Variants in CAPN11 observed in about 807,000 individuals in gnomAD.
The protein encoded by CAPN11 is calpain-11.
A neutral mutation model predicts 105.3 loss-of-function variants in CAPN11; 108 were observed. The observed-to-expected ratio is 1.03, with a 90% confidence interval of 0.88 to 1.20. The LOEUF is 1.20. CAPN11 is among the 50% of genes most tolerant of loss of function. CAPN11 has a pLI of 0.00. For synonymous variants in CAPN11, 329 were observed against 344.5 expected, an observed-to-expected ratio of 0.96 and a Z score of 0.50; for missense variants, 883 against 924.8, an observed-to-expected ratio of 0.95 and a Z score of 0.59.
chr6:44,183,278 C>T (rs374403276), intron 21 of CAPN11, 43 bp downstream of exon 21: 14 of 1,311,126 alleles, frequency 1.1e-5, no homozygotes, highest in Admixed American at 3.4e-5. Context: ...GGCCAGGGGC[C>T]GCGGGCCCTT....
At chr6:44,179,811 G>A (rs1772821872) in intron 13 of CAPN11, 141 bp from the exon 14 acceptor site, 6 of 884,858 alleles carry the variant, frequency 6.8e-6, no homozygotes, top group Non-Finnish European at 1.1e-5. Context: ...GGAGTTGCGG[G>A]CCACTTAGAT....
rs776489978 is a variant in CAPN11 at position 44,182,994 on chromosome 6, G to A, written c.1992G>A (p.Glu664=). 2 of 1,612,362 alleles carry A rather than the reference G, an allele frequency of 1.2e-6. No individual in the cohort carries two copies. The highest frequency in any genetic ancestry group is 1.7e-6 in the Non-Finnish European group (2 of 1,179,188). Residue 664 remains glutamate, a synonymous_variant, in exon 20 of 23, where the codon GAG becomes GAA. Coordinates refer to ENST00000398776, the MANE Select transcript of CAPN11 (RefSeq NM_007058.4). ...QDHSGTLNSY[E]MRLVIEKAGI... is the part of the protein sequence containing the mutation. ...ATTCAGGCACCTTGAACTCCTATGAGATGCGCCTGGTTATTGAGAAAGCAG... is the reference window on the plus strand; with the variant it reads ...ATTCAGGCACCTTGAACTCCTATGAAATGCGCCTGGTTATTGAGAAAGCAG...
intron 1 of CAPN11, among the ~76,000 whole-genome samples, chr6:44,161,096 G>C (rs1768700288): frequency 6.6e-6 from 1 of 151,832 alleles, no homozygotes; most frequent in Admixed American, 6.6e-5. Flanking sequence ...GCCTTGGTCT[G>C]TCTGTCTCAG....
chr6:44,166,367 C>T (rs921005382), intron 1 of CAPN11, among the ~76,000 whole-genome samples: 8 of 152,144 alleles, frequency 5.3e-5, no homozygotes, highest in Non-Finnish European at 1.0e-4. Context: ...TCTGTGACCT[C>T]GGGCAAGCTG....
In CAPN11 at chr6:44,176,068, G is replaced by A; in HGVS notation, c.832G>A (p.Val278Ile). 6.2e-7 allele frequency: 1 copy of A among 1,607,264 alleles called. No individual in the cohort carries two copies. Residue 278 changes from valine (V) to isoleucine (I), a missense_variant and splice_region_variant, in exon 8 of 23, where the codon GTC becomes ATC. Coordinates refer to ENST00000398776, the MANE Select transcript of CAPN11 (RefSeq NM_007058.4). ...RSSLMGCSIEVTSDSELESMT... is the reference protein window; with the variant it reads ...RSSLMGCSIEITSDSELESMT... ...CTCTCCCTCCCTCTCTGTTCTGTAG[G>A]TCACCAGTGATAGTGAACTGGAATC...
chr6:44,178,649 A>G (rs6937217), intron 12 of CAPN11, among the ~76,000 whole-genome samples: 76,934 of 150,284 alleles, frequency 0.51, 20,081 homozygotes, highest in Non-Finnish European at 0.54. Flanking sequence ...GCTCATGCCT[A>G]TTATCCCAGC....
At chr6:44,181,926 T>A (rs1281347894) in intron 19 of CAPN11, among the ~76,000 whole-genome samples, 7 of 60,564 alleles carry the variant, frequency 1.2e-4, no homozygotes, top group Admixed American at 1.7e-4. Context: ...ACATACACAC[T>A]CACATACAGA....
At position 44,176,447 on chromosome 6, in the gene CAPN11, C is replaced by T. The variant is rs949019985; in HGVS notation, c.1001+109C>T. 5 of 1,283,082 alleles carry T rather than the reference C, an allele frequency of 3.9e-6. No homozygotes were observed. The African/African-American group carries it at 7.3e-5, about 19-fold the overall frequency. 79.5% of individuals were successfully genotyped at this position (1,283,082 alleles called of 1,614,324 possible). ...GAACAACCTGTACAACAGGGCAAAG[C>T]TCCTCCCTCTAGATTCTCCATCTAG... is the stretch of plus-strand genomic sequence containing the variant. On this transcript the variant is annotated intron_variant, in intron 9 of 22. Coordinates refer to ENST00000398776, the MANE Select transcript of CAPN11 (RefSeq NM_007058.4).
At position 44,177,437 on chromosome 6, in the gene CAPN11, T is replaced by C; in HGVS notation, c.1416+17T>C. 1 of 1,592,622 alleles carries C rather than the reference T, an allele frequency of 6.3e-7. No individual in the cohort carries two copies. The highest frequency in any genetic ancestry group is 8.6e-7 in the Non-Finnish European group (1 of 1,166,712). ...CTCTACGCGGTGGGTGCCTGGCTGG[T>C]CTCGCCCGCCACTCACTCTCCCTCA... On this transcript the variant is annotated intron_variant, in intron 12 of 22. Coordinates refer to ENST00000398776, the MANE Select transcript of CAPN11 (RefSeq NM_007058.4).
Position 44,176,074 on chromosome 6 carries a change from A to T in CAPN11, c.838A>T (p.Ser280Cys), listed in dbSNP as rs1204048495. The T allele has an allele frequency of 1.9e-6, 3 of 1,609,504 alleles. No individual in the cohort carries two copies. Among genetic ancestry groups the T allele is most frequent in the Non-Finnish European group, 2.5e-6 (3 of 1,177,056 alleles). ...CTCCCTCTCTGTTCTGTAGGTCACC[A>T]GTGATAGTGAACTGGAATCCATGAC... ...SLMGCSIEVT[S>C]DSELESMTDK... Residue 280 changes from serine (S) to cysteine (C), a missense_variant, in exon 8 of 23, where the codon AGT (serine) becomes TGT (cysteine). Ser to Cys is a moderately radical substitution (Grantham distance 112). Transcript: ENST00000398776.
At chr6:44,164,995 C>T (rs995176717) in intron 1 of CAPN11, among the ~76,000 whole-genome samples, 1 of 152,138 alleles carries the variant, frequency 6.6e-6, no homozygotes, top group South Asian at 2.1e-4. Flanking sequence ...GTTCAAGCCA[C>T]CTCCTGCCTC....
chr6:44,172,276 T>C, intron 4 of CAPN11, 26 bp from the exon 5 acceptor site: 2 of 1,496,590 alleles, frequency 1.3e-6, no homozygotes, highest in African/African-American at 1.4e-5. Context: ...TGCTCAGGGG[T>C]GGCAAAGCCC....
At position 44,170,985 on chromosome 6, in the gene CAPN11, G is replaced by A. The variant is rs181337886; in HGVS notation, c.409+1010G>A. Among the ~76,000 whole-genome samples, 4 of 152,288 alleles carry A rather than the reference G, an allele frequency of 2.6e-5. No individual in the cohort carries two copies. The East Asian group carries it at 7.7e-4, about 29-fold the overall frequency. On this transcript the variant is annotated intron_variant, in intron 4 of 22. Coordinates refer to ENST00000398776, the MANE Select transcript of CAPN11 (RefSeq NM_007058.4). ...CAGAAAAAAGGGCAAGGTGTGGGCA[G>A]AGCAGAGGCCAAGGAGACCTTAGAC...
At chr6:44,174,403 T>TGCA (rs1401660108) in intron 7 of CAPN11, among the ~76,000 whole-genome samples, 1 of 151,228 alleles carries the variant, frequency 6.6e-6, no homozygotes, top group Non-Finnish European at 1.5e-5. Flanking sequence ...CCTAGCCAGG[T>TGCA]GCAGTGGCTC....
At position 44,160,624 on chromosome 6, in the gene CAPN11, A is replaced by C. The variant is rs530241136; in HGVS notation, c.16+1760A>C. On this transcript the variant is annotated intron_variant, in intron 1 of 22. Coordinates refer to ENST00000398776, the MANE Select transcript of CAPN11 (RefSeq NM_007058.4). ...AGAGTGAGACTCCGCCTCAAAAAAA[A>C]CCTCAAAAAACAACAACAACAACAA... Among the ~76,000 whole-genome samples the C allele has an allele frequency of 5.9e-5, 9 of 152,200 alleles. No homozygotes were observed. The South Asian group carries it at 1.9e-3, about 32-fold the overall frequency.
In CAPN11 at chr6:44,159,067, C is replaced by G. The variant is rs184664575; in HGVS notation, c.16+203C>G. ...ATGCTCCCTAAGGACAGGACCTGGGCCTCGTTCTCAGACTGTTTGGGGAAG... is the reference window on the plus strand; with the variant it reads ...ATGCTCCCTAAGGACAGGACCTGGGGCTCGTTCTCAGACTGTTTGGGGAAG... On this transcript the variant is annotated intron_variant, in intron 1 of 22. Coordinates refer to ENST00000398776, the MANE Select transcript of CAPN11 (RefSeq NM_007058.4). Among the ~76,000 whole-genome samples, 537 of 152,172 alleles carry G rather than the reference C, an allele frequency of 3.5e-3. 5 individuals are homozygous for G. The highest frequency in any genetic ancestry group is 0.012 in the African/African-American group (504 of 41,476).
In CAPN11 at chr6:44,184,361, A is replaced by G; in HGVS notation, c.*429A>G. The G allele has an allele frequency of 4.7e-6, 1 of 211,756 alleles. No homozygotes were observed. The highest frequency in any genetic ancestry group is 5.2e-5 in the Admixed American group (1 of 19,368). The allele number at this position is 211,756 out of a possible 1,614,324, so 13.1% of individuals were successfully genotyped here. Reference sequence around the variant, plus strand: ...TGGCACAGCCTCTGTTTTCCTCCCCATCTGTGGATACTATTCTAATAAATA... The same window carrying G: ...TGGCACAGCCTCTGTTTTCCTCCCCGTCTGTGGATACTATTCTAATAAATA... On this transcript the variant is annotated 3_prime_UTR_variant, in exon 23 of 23. Coordinates refer to ENST00000398776, the MANE Select transcript of CAPN11 (RefSeq NM_007058.4).
chr6:44,182,693 C>T (rs1773984442), intron 19 of CAPN11, among the ~76,000 whole-genome samples: 1 of 152,106 alleles, frequency 6.6e-6, no homozygotes, highest in Non-Finnish European at 1.5e-5. Context: ...CCTGCCTCAG[C>T]CTCCTGACTA....
At chr6:44,183,345 C>G (rs1382577181) in intron 21 of CAPN11, 110 bp downstream of exon 21, 2 of 728,914 alleles carry the variant, frequency 2.7e-6, no homozygotes, top group African/African-American at 3.5e-5. Context: ...TTACAAGGCA[C>G]ACATGAAATG....
Sources: gnomAD v4.1 joint callset for allele counts (sites outside exome capture counted in the v4.1 genomes callset) on GRCh38, gnomAD v4.1.1 for gene constraint, MANE v1.5 for transcripts, NCBI Gene and HGNC (gene_info 2026-07-23, HGNC 2026-07-21) for gene names.